Variants in SPRR2B observed in about 807,000 individuals in gnomAD.
SPRR2B encodes the protein small proline-rich protein 2B.
In SPRR2B, 1 loss-of-function variant was observed where a neutral mutation model predicts 1.0. That is an observed-to-expected ratio of 1.01 (90% CI 0.36 to 4.77). The LOEUF (loss-of-function observed/expected upper bound fraction) is 4.77. SPRR2B is among the 30% of genes most tolerant of loss of function. SPRR2B has a pLI of 0.16. For synonymous variants in SPRR2B, 27 were observed against 33.4 expected, an observed-to-expected ratio of 0.81 and a Z score of 0.66; for missense variants, 53 against 88.7, an observed-to-expected ratio of 0.60 and a Z score of 1.62.
At chr1:153,075,247 G>A (rs1273742685), upstream of SPRR2B, among the ~76,000 whole-genome samples, 1 of 152,022 alleles carries the variant, frequency 6.6e-6, no homozygotes, top group Non-Finnish European at 1.5e-5. Context: ...GGAGGCTGAG[G>A]CACAGAATTG....
the SPRR2B span, among the ~76,000 whole-genome samples, chr1:153,084,369 C>G: frequency 6.6e-6 from 1 of 152,132 alleles, no homozygotes; most frequent in Non-Finnish European, 1.5e-5. Flanking sequence ...ACATAGCCAG[C>G]CAGCCCCAAC....
upstream of SPRR2B, among the ~76,000 whole-genome samples, chr1:153,074,533 T>C (rs1654737008): frequency 6.6e-6 from 1 of 152,338 alleles, no homozygotes; most frequent in African/African-American, 2.4e-5. Flanking sequence ...TATGGTAGAA[T>C]AGTGAAAATC....
At chr1:153,085,107 A>G in the SPRR2B span, among the ~76,000 whole-genome samples, 4,748 of 152,302 alleles carry the variant, frequency 0.031, 227 homozygotes, top group African/African-American at 0.11. Flanking sequence ...GACAACTCAA[A>G]AAGCCAAGGT....
the SPRR2B span, among the ~76,000 whole-genome samples, chr1:153,076,779 C>T: frequency 6.6e-6 from 1 of 152,078 alleles, no homozygotes; most frequent in Admixed American, 6.5e-5. Flanking sequence ...GTCATAATAT[C>T]CACTATCTGT....
At chr1:153,076,858 A>C in the SPRR2B span, among the ~76,000 whole-genome samples, 2 of 152,260 alleles carry the variant, frequency 1.3e-5, no homozygotes, top group Non-Finnish European at 2.9e-5. Flanking sequence ...GCAATGGAAT[A>C]CCACACAATT....
the SPRR2B span, among the ~76,000 whole-genome samples, chr1:153,082,646 A>C: frequency 6.6e-6 from 1 of 152,180 alleles, no homozygotes; most frequent in Non-Finnish European, 1.5e-5. Context: ...GGAAAATTAG[A>C]AATCGCTTGA....
chr1:153,075,413 A>G (rs1654753549), upstream of SPRR2B, among the ~76,000 whole-genome samples: 1 of 152,164 alleles, frequency 6.6e-6, no homozygotes, highest in Admixed American at 6.5e-5. Context: ...GGCAGATCAT[A>G]CTAGAGTAAA....
rs541636188 is a variant in SPRR2B at position 153,070,633 on chromosome 1, C to T, written c.207G>A (p.Pro69=). 52 of 1,611,974 alleles carry T rather than the reference C, an allele frequency of 3.2e-5. No homozygotes were observed. The highest frequency in any genetic ancestry group is 2.0e-4 in the East Asian group (9 of 44,890). The stretch of plus-strand genomic sequence containing the variant: ...AATCCTGAAGCTGTTACTTGCTCTT[C>T]GGTGGATACTTTGGCTGGCAGGGTG... ...PSPPCQPKYP[P]KSK The change falls in exon 2 of 2, where the codon CCG becomes CCA. Residue 69 remains proline (P), a synonymous_variant. Transcript: ENST00000368755.
At chr1:153,080,039 A>G in the SPRR2B span, among the ~76,000 whole-genome samples, 1 of 152,044 alleles carries the variant, frequency 6.6e-6, no homozygotes, top group Non-Finnish European at 1.5e-5. Context: ...CTTTTATTTC[A>G]TTGAGAAGTG....
rs541636188 is a variant in SPRR2B, at chr1:153,070,633, C to G, written c.207G>C (p.Pro69=). 1.7e-4 allele frequency: 269 copies of G among 1,612,084 alleles called. 1 individual carries two copies. Among genetic ancestry groups the G allele is most frequent in the Admixed American group, 1.6e-3 (99 of 60,002 alleles). Reference sequence around the variant, plus strand: ...AATCCTGAAGCTGTTACTTGCTCTTCGGTGGATACTTTGGCTGGCAGGGTG... The same window carrying G: ...AATCCTGAAGCTGTTACTTGCTCTTGGGTGGATACTTTGGCTGGCAGGGTG... ...PSPPCQPKYP[P]KSK is the part of the protein sequence containing the mutation. Residue 69 remains proline, a synonymous_variant, in exon 2 of 2, where the codon CCG becomes CCC. Transcript: ENST00000368755.
chr1:153,073,695 T>TCACA (rs4041380), upstream of SPRR2B, among the ~76,000 whole-genome samples: 3,937 of 144,554 alleles, frequency 0.027, 118 homozygotes, highest in African/African-American at 0.066. Flanking sequence ...GAGGCATACT[T>TCACA]CACACACACA....
At chr1:153,080,004 A>C in the SPRR2B span, among the ~76,000 whole-genome samples, 1 of 152,182 alleles carries the variant, frequency 6.6e-6, no homozygotes, top group African/African-American at 2.4e-5. Flanking sequence ...TGAGCATGGA[A>C]TGTTCTTCCA....
At chr1:153,081,736 A>G in the SPRR2B span, among the ~76,000 whole-genome samples, 85,943 of 151,968 alleles carry the variant, frequency 0.57, 25,099 homozygotes, top group African/African-American at 0.72. Context: ...CTGTGTTGGC[A>G]AACACACAAT....
At chr1:153,081,830 T>C in the SPRR2B span, among the ~76,000 whole-genome samples, 4 of 113,452 alleles carry the variant, frequency 3.5e-5, no homozygotes, top group Non-Finnish European at 4.9e-5. Context: ...CTTTTCTTTT[T>C]TTTTTTTTTT....
chr1:153,074,071 T>C (rs1046395322), upstream of SPRR2B, among the ~76,000 whole-genome samples: 3 of 152,170 alleles, frequency 2.0e-5, no homozygotes, highest in Non-Finnish European at 4.4e-5. Context: ...GCTCCTCTGC[T>C]CCCCACTTAT....
the SPRR2B span, among the ~76,000 whole-genome samples, chr1:153,083,077 A>C: frequency 1.6e-4 from 25 of 152,330 alleles, no homozygotes; most frequent in African/African-American, 6.0e-4. Flanking sequence ...AAATAATTCT[A>C]TGTCAGCTTA....
chr1:153,083,342 C>G, the SPRR2B span, among the ~76,000 whole-genome samples: 1 of 152,064 alleles, frequency 6.6e-6, no homozygotes, highest in African/African-American at 2.4e-5. Flanking sequence ...CCGCCAATAC[C>G]CTGATACAAA....
chr1:153,077,778 C>A, the SPRR2B span, among the ~76,000 whole-genome samples: 1 of 152,068 alleles, frequency 6.6e-6, no homozygotes, highest in Non-Finnish European at 1.5e-5. Flanking sequence ...CCACACCCAG[C>A]TAATTTTTGT....
the SPRR2B span, among the ~76,000 whole-genome samples, chr1:153,086,441 A>G: frequency 6.6e-6 from 1 of 152,218 alleles, no homozygotes; most frequent in Non-Finnish European, 1.5e-5. Flanking sequence ...AAACAGCATT[A>G]CATAATGGTA....
Sources: allele counts gnomAD v4.1 joint callset (sites outside exome capture counted in the v4.1 genomes callset), GRCh38; gene constraint gnomAD v4.1.1; transcripts MANE v1.5; gene names NCBI Gene and HGNC (gene_info 2026-07-23, HGNC 2026-07-21).